Variants in NMNAT2 observed in about 807,000 individuals in gnomAD.
NMNAT2 encodes nicotinamide/nicotinic acid mononucleotide adenylyltransferase 2.
In NMNAT2, 11 loss-of-function variants were observed where a neutral mutation model predicts 41.6. That is an observed-to-expected ratio of 0.26 (90% confidence interval 0.17 to 0.44). The LOEUF (loss-of-function observed/expected upper bound fraction) is 0.44, where lower values mean the gene tolerates loss of function less well. NMNAT2 is among the 20% of genes least tolerant of loss of function. The pLI is 1.00. For synonymous variants in NMNAT2, 148 were observed against 151.2 expected, an observed-to-expected ratio of 0.98 and a Z score of 0.16; for missense variants, 288 against 407.7, an observed-to-expected ratio of 0.71 and a Z score of 2.53.
chr1:183,298,815 A>G (rs1160817736), intron 1 of NMNAT2, among the ~76,000 whole-genome samples: 1 of 152,250 alleles, frequency 6.6e-6, no homozygotes, highest in Non-Finnish European at 1.5e-5. Context: ...GGATTGGAAG[A>G]TGCAACACAG....
At chr1:183,304,852 C>T in intron 1 of NMNAT2, 1 of 1,570,846 alleles carries the variant, frequency 6.4e-7, no homozygotes, top group Non-Finnish European at 8.6e-7. Context: ...TGCTCCACTA[C>T]CTCCAGCTTG....
intron 1 of NMNAT2, among the ~76,000 whole-genome samples, chr1:183,294,281 C>T (rs914836045): frequency 4.6e-5 from 7 of 152,130 alleles, no homozygotes; most frequent in African/African-American, 1.7e-4. Context: ...TAGATAATTA[C>T]AAAGAATTAG....
chr1:183,410,276 CAG>C, intron 1 of NMNAT2, among the ~76,000 whole-genome samples: 1 of 151,616 alleles, frequency 6.6e-6, no homozygotes, highest in Admixed American at 6.6e-5. Context: ...TGAGCTGAGA[CAG>C]AGCCACTGCA....
chr1:183,409,377 C>A (rs1649052232), intron 1 of NMNAT2, among the ~76,000 whole-genome samples: 1 of 152,094 alleles, frequency 6.6e-6, no homozygotes, highest in African/African-American at 2.4e-5. Flanking sequence ...AGCACAGTGG[C>A]ATGATCATGA....
At chr1:183,262,104 A>T (rs1233086174) in intron 8 of NMNAT2, among the ~76,000 whole-genome samples, 1 of 151,384 alleles carries the variant, frequency 6.6e-6, no homozygotes, top group Non-Finnish European at 1.5e-5. Flanking sequence ...TTTTTTAATT[A>T]TTTTTTTGAA....
chr1:183,416,408 C>T (rs1449903295), intron 1 of NMNAT2, among the ~76,000 whole-genome samples: 1 of 152,052 alleles, frequency 6.6e-6, no homozygotes, highest in African/African-American at 2.4e-5. Context: ...AGGAGTAAAG[C>T]GCATCAACAT....
intron 1 of NMNAT2, among the ~76,000 whole-genome samples, chr1:183,392,308 G>A (rs555121354): frequency 6.6e-6 from 1 of 152,086 alleles, no homozygotes; most frequent in Non-Finnish European, 1.5e-5. Context: ...TCTCACCAAA[G>A]CCAATTCAAC....
At chr1:183,304,797 A>G in intron 1 of NMNAT2, 2 of 1,611,652 alleles carry the variant, frequency 1.2e-6, no homozygotes, top group Non-Finnish European at 1.7e-6. Flanking sequence ...ATCAGAGAGT[A>G]ACACAAAGTG....
rs185297189 is a variant in NMNAT2 at position 183,354,582 on chromosome 1, T to C, written c.86-60789A>G. Reference sequence around the variant, plus strand: ...ATGTGCCACTATGCCCAGCTAATTTTTGTATGACCTTGTTTATAGAGACAG... The same window carrying C: ...ATGTGCCACTATGCCCAGCTAATTTCTGTATGACCTTGTTTATAGAGACAG... On this transcript the variant is annotated intron_variant, in intron 1 of 10. Transcript: ENST00000287713. Among the ~76,000 whole-genome samples the C allele has an allele frequency of 3.1e-3, 473 of 152,172 alleles. 3 individuals are homozygous for C. The highest frequency in any genetic ancestry group is 0.012 in the Admixed American group (184 of 15,286).
rs1472264510 is a variant in NMNAT2 at position 183,249,733 on chromosome 1, T to TGTGTGTGTGTG, written c.*2907_*2908insCACACACACAC. 1.5e-5 allele frequency: 1 copy of TGTGTGTGTGTG among 65,234 alleles called. No homozygotes were observed. Among genetic ancestry groups the TGTGTGTGTGTG allele is most frequent in the South Asian group, 4.7e-4 (1 of 2,136 alleles). 4.0% of individuals were successfully genotyped at this position (65,234 alleles called of 1,614,324 possible). On this transcript the variant is annotated 3_prime_UTR_variant, in exon 11 of 11. Coordinates refer to ENST00000287713, the MANE Select transcript of NMNAT2 (RefSeq NM_015039.4). ...TGTGTGTGTGTGTGTGTGTGTGTGT[T>TGTGTGTGTGTG]TGGGGGGTAGGGGGTGCGGCGATGG...
chr1:183,337,249 A>G (rs1211301266), intron 1 of NMNAT2, among the ~76,000 whole-genome samples: 4 of 152,316 alleles, frequency 2.6e-5, no homozygotes, highest in African/African-American at 9.6e-5. Context: ...TAAGAGAGAA[A>G]GAATGACATA....
chr1:183,314,520 C>A (rs571601011), intron 1 of NMNAT2, among the ~76,000 whole-genome samples: 1 of 152,226 alleles, frequency 6.6e-6, no homozygotes, highest in African/African-American at 2.4e-5. Flanking sequence ...TGGCACCCAA[C>A]TGATGCTCAG....
chr1:183,303,456 G>T (rs1177153687), intron 1 of NMNAT2, among the ~76,000 whole-genome samples: 1 of 152,212 alleles, frequency 6.6e-6, no homozygotes, highest in Non-Finnish European at 1.5e-5. Context: ...GGAAGCCAAG[G>T]TTCAGAGTCA....
Position 183,346,196 on chromosome 1 carries a change from T to C in NMNAT2, c.86-52403A>G, listed in dbSNP as rs1490598039. 2.0e-5 allele frequency among the ~76,000 whole-genome samples: 3 copies of C among 152,164 alleles called. No individual in the cohort carries two copies. The East Asian group carries it at 5.8e-4, about 29-fold the overall frequency. On this transcript the variant is annotated intron_variant, in intron 1 of 10. Coordinates refer to ENST00000287713, the MANE Select transcript of NMNAT2 (RefSeq NM_015039.4). Reference sequence around the variant, plus strand: ...ATCTCTGTGATGGCCTCCAGGGTTCTTTCTCTCAGTTCCATCATTCCCACT... The same window carrying C: ...ATCTCTGTGATGGCCTCCAGGGTTCCTTCTCTCAGTTCCATCATTCCCACT...
At chr1:183,288,367 T>C (rs1309143050) in intron 4 of NMNAT2, among the ~76,000 whole-genome samples, 6 of 152,196 alleles carry the variant, frequency 3.9e-5, no homozygotes, top group Non-Finnish European at 1.5e-5. Flanking sequence ...TCATGCTTGC[T>C]AGGTGTTTGA....
At chr1:183,397,405 G>C (rs1448416684) in intron 1 of NMNAT2, among the ~76,000 whole-genome samples, 2 of 152,134 alleles carry the variant, frequency 1.3e-5, no homozygotes, top group African/African-American at 4.8e-5. Flanking sequence ...AAGCAATATA[G>C]GACTATGTGA....
chr1:183,398,821 T>C (rs1318681068), intron 1 of NMNAT2, among the ~76,000 whole-genome samples: 6 of 152,130 alleles, frequency 3.9e-5, no homozygotes, highest in Non-Finnish European at 7.3e-5. Flanking sequence ...ACTGGGTACA[T>C]AATAAAATGA....
At chr1:183,266,436 T>C (rs764104824) in intron 8 of NMNAT2, among the ~76,000 whole-genome samples, 4 of 152,170 alleles carry the variant, frequency 2.6e-5, no homozygotes, top group Non-Finnish European at 5.9e-5. Flanking sequence ...TCCCACCCCT[T>C]AAGCCTAAAT....
At chr1:183,318,323 G>C (rs746202283) in intron 1 of NMNAT2, among the ~76,000 whole-genome samples, 4 of 152,186 alleles carry the variant, frequency 2.6e-5, no homozygotes, top group Non-Finnish European at 4.4e-5. Flanking sequence ...CAGTCTGTTA[G>C]AGAAAAAGTC....
Sources: gnomAD v4.1 joint callset for allele counts (sites outside exome capture counted in the v4.1 genomes callset) on GRCh38, gnomAD v4.1.1 for gene constraint, MANE v1.5 for transcripts, NCBI Gene and HGNC (gene_info 2026-07-23, HGNC 2026-07-21) for gene names.